Variants in MAP3K1 observed in about 807,000 individuals in gnomAD.
MAP3K1 encodes the protein MAP/ERK kinase kinase 1.
In MAP3K1, 36 loss-of-function variants were observed where a neutral mutation model predicts 144.2. The observed-to-expected ratio is 0.25, with a 90% CI of 0.19 to 0.33. MAP3K1 has a LOEUF of 0.33. MAP3K1 is among the 10% of genes least tolerant of loss of function. The pLI is 1.00. For missense variants in MAP3K1, 1,650 were observed against 1,881.9 expected (o/e 0.88, Z 2.28); for synonymous variants, 718 against 688.7 (o/e 1.04, Z -0.67).
chr5:56,851,652 T>C (rs1747177400), intron 1 of MAP3K1, among the ~76,000 whole-genome samples: 1 of 152,216 alleles, frequency 6.6e-6, no homozygotes, highest in Non-Finnish European at 1.5e-5. Context: ...GTAACACTAT[T>C]TGTGTGTTTT....
chr5:56,824,872 G>A (rs1197291424), intron 1 of MAP3K1, among the ~76,000 whole-genome samples: 1 of 151,792 alleles, frequency 6.6e-6, no homozygotes, highest in Non-Finnish European at 1.5e-5. Flanking sequence ...ATACCTTGCA[G>A]TTTCTTTAAA....
intron 6 of MAP3K1, among the ~76,000 whole-genome samples, chr5:56,869,926 A>C (rs1747800302): frequency 6.6e-6 from 1 of 152,196 alleles, no homozygotes; most frequent in Non-Finnish European, 1.5e-5. Flanking sequence ...GGGCAGGTAC[A>C]TCAGGAGGGA....
intron 1 of MAP3K1, among the ~76,000 whole-genome samples, chr5:56,818,913 A>T (rs537160299): frequency 1.3e-5 from 2 of 152,312 alleles, no homozygotes; most frequent in South Asian, 4.1e-4. Context: ...TAAAGCTATT[A>T]GGCTAAAAAT....
chr5:56,865,858 T>G lies in MAP3K1; in HGVS notation c.1182T>G (p.Ser394Arg). Reference sequence around the variant, plus strand: ...AGAGTTTGTTCCAGAAATATCACAGTAGGCGTAGCTCAAGGATCAAAGCTC... The same window carrying G: ...AGAGTTTGTTCCAGAAATATCACAGGAGGCGTAGCTCAAGGATCAAAGCTC... ...EVESLFQKYH[S>R]RRSSRIKAPS... Residue 394 changes from serine to arginine, a missense_variant, in exon 6 of 20, where the codon AGT (serine) becomes AGG (arginine). Coordinates refer to ENST00000399503, the MANE Select transcript of MAP3K1 (RefSeq NM_005921.2). The G allele has an allele frequency of 6.2e-7, 1 of 1,614,160 alleles. No individual in the cohort carries two copies. Among genetic ancestry groups the G allele is most frequent in the Non-Finnish European group, 8.5e-7 (1 of 1,179,972 alleles).
chr5:56,882,067 T>A lies in MAP3K1; in HGVS notation c.2867T>A (p.Val956Asp), dbSNP rs1748231169. The change falls in exon 14 of 20, where the codon GTT (valine) becomes GAT (aspartate). Residue 956 changes from valine to aspartate, a missense_variant. Physicochemically the swap from Val to Asp is radical, Grantham distance 152. Transcript: ENST00000399503. Reference protein sequence around the residue: ...TTTTEQPKPMVQTKGRPHSQC... With the variant: ...TTTTEQPKPMDQTKGRPHSQC... Reference sequence around the variant, plus strand: ...ACAACAGAGCAACCAAAGCCAATGGTTCAAACAAAAGGCAGACCCCACAGT... The same window carrying A: ...ACAACAGAGCAACCAAAGCCAATGGATCAAACAAAAGGCAGACCCCACAGT... 1 of 1,613,882 alleles carries A rather than the reference T, an allele frequency of 6.2e-7. No individual in the cohort carries two copies. The highest frequency in any genetic ancestry group is 8.5e-7 in the Non-Finnish European group (1 of 1,179,992).
At position 56,872,705 on chromosome 5, in the gene MAP3K1, A is replaced by G; in HGVS notation, c.1488A>G (p.Arg496=). The part of the protein sequence containing the change: ...LICPLCRSKW[R]SHDFYSHELS... Reference sequence around the variant, plus strand: ...GTCCCCTTTGTAGATCTAAGTGGAGATCTCATGATTTCTACAGGTAATAAT... The same window carrying G: ...GTCCCCTTTGTAGATCTAAGTGGAGGTCTCATGATTTCTACAGGTAATAAT... The change falls in exon 8 of 20, where the codon AGA becomes AGG. Residue 496 remains arginine, a synonymous_variant. Coordinates refer to ENST00000399503, the MANE Select transcript of MAP3K1 (RefSeq NM_005921.2). 2.5e-6 allele frequency: 4 copies of G among 1,606,166 alleles called. No homozygotes were observed. The highest frequency in any genetic ancestry group is 3.4e-6 in the Non-Finnish European group (4 of 1,173,080).
At position 56,878,738 on chromosome 5, in the gene MAP3K1, T is replaced by C. The variant is rs76317601; in HGVS notation, c.1966-242T>C. 2.6e-3 allele frequency among the ~76,000 whole-genome samples: 392 copies of C among 152,338 alleles called. 2 individuals carry two copies. The highest frequency in any genetic ancestry group is 5.1e-3 in the Admixed American group (78 of 15,298). ...AAATAATTTTTTTTAACTTTTCATC[T>C]TGAAATGAATTCAGACTTTTAAAAA... On this transcript the variant is annotated intron_variant, in intron 10 of 19. Transcript: ENST00000399503.
intron 3 of MAP3K1, among the ~76,000 whole-genome samples, chr5:56,863,796 C>T (rs1309623277): frequency 2.6e-5 from 4 of 152,180 alleles, no homozygotes; most frequent in Non-Finnish European, 4.4e-5. Flanking sequence ...ACATTTATTA[C>T]CCTTAACTAT....
rs115574356 is a variant in MAP3K1 at position 56,850,301 on chromosome 5, T to A, written c.483-6299T>A. On this transcript the variant is annotated intron_variant, in intron 1 of 19. Coordinates refer to ENST00000399503, the MANE Select transcript of MAP3K1 (RefSeq NM_005921.2). ...TCTGAATTGTGCCTATCCCAAATAA[T>A]GTATTTTCTAGGGTTCCTTGAAGTT... 7.2e-3 allele frequency among the ~76,000 whole-genome samples: 1,097 copies of A among 152,274 alleles called. 11 individuals are homozygous for A. The highest frequency in any genetic ancestry group is 0.025 in the African/African-American group (1,039 of 41,552).
intron 1 of MAP3K1, among the ~76,000 whole-genome samples, chr5:56,834,927 CAAGT>C (rs1275134522): frequency 6.6e-6 from 1 of 151,982 alleles, no homozygotes; most frequent in African/African-American, 2.4e-5. Context: ...TAAGTCTTAA[CAAGT>C]AATAAGATAT....
chr5:56,858,115 G>T (rs755260601), intron 2 of MAP3K1, among the ~76,000 whole-genome samples: 14 of 152,170 alleles, frequency 9.2e-5, no homozygotes, highest in Admixed American at 3.3e-4. Context: ...GAAACATCTT[G>T]TAGAATGTTG....
At chr5:56,877,698 T>C (rs371776383) in intron 10 of MAP3K1, among the ~76,000 whole-genome samples, 12 of 152,340 alleles carry the variant, frequency 7.9e-5, no homozygotes, top group African/African-American at 2.9e-4. Context: ...ATCTCTTCAG[T>C]TGCCCAACAG....
Position 56,882,041 on chromosome 5 carries a change from A to G in MAP3K1, c.2841A>G (p.Thr947=), listed in dbSNP as rs1748229464. ...GPSSSTTTTT[T]TTEQPKPMVQ... ...CTAGTTCAACAACAACAACAACAAC[A>G]ACAACAGAGCAACCAAAGCCAATGG... is the stretch of plus-strand genomic sequence containing the variant. Residue 947 remains threonine, a synonymous_variant, in exon 14 of 20, where the codon ACA becomes ACG. Coordinates refer to ENST00000399503, the MANE Select transcript of MAP3K1 (RefSeq NM_005921.2). 1 of 1,614,028 alleles carries G rather than the reference A, an allele frequency of 6.2e-7. No individual in the cohort carries two copies. Among genetic ancestry groups the G allele is most frequent in the African/African-American group, 1.3e-5 (1 of 74,990 alleles).
chr5:56,857,485 TTTG>T (rs1312778648), intron 2 of MAP3K1, among the ~76,000 whole-genome samples: 1 of 152,036 alleles, frequency 6.6e-6, no homozygotes, highest in African/African-American at 2.4e-5. Flanking sequence ...AAGTTTTTAT[TTTG>T]TTCTTTTAAA....
intron 10 of MAP3K1, among the ~76,000 whole-genome samples, chr5:56,876,350 C>A (rs1748028663): frequency 6.6e-6 from 1 of 150,812 alleles, no homozygotes; most frequent in African/African-American, 2.4e-5. Context: ...GCCCCCAATT[C>A]AGAATCACTA....
At chr5:56,838,033 T>C (rs1746706630) in intron 1 of MAP3K1, among the ~76,000 whole-genome samples, 1 of 152,200 alleles carries the variant, frequency 6.6e-6, no homozygotes, top group African/African-American at 2.4e-5. Flanking sequence ...TATTTTTATT[T>C]TTTGCTTCTT....
At chr5:56,892,157 A>C (rs552879714) in intron 19 of MAP3K1, among the ~76,000 whole-genome samples, 47 of 152,130 alleles carry the variant, frequency 3.1e-4, no homozygotes, top group Non-Finnish European at 4.6e-4. Context: ...GATTCTTCCT[A>C]TCCATGAGCA....
At chr5:56,846,580 A>G (rs962780894) in intron 1 of MAP3K1, among the ~76,000 whole-genome samples, 1 of 152,136 alleles carries the variant, frequency 6.6e-6, no homozygotes, top group Non-Finnish European at 1.5e-5. Context: ...TCTCTTTTAG[A>G]TTTATTTAAA....
chr5:56,881,452 A>T, intron 13 of MAP3K1, 118 bp from the exon 14 acceptor site: 1 of 1,004,200 alleles, frequency 1.0e-6, no homozygotes, highest in South Asian at 1.4e-5. Context: ...ATTCATAGAT[A>T]CTTTATGCTG....
Sources: allele counts gnomAD v4.1 joint callset (sites outside exome capture counted in the v4.1 genomes callset), GRCh38; gene constraint gnomAD v4.1.1; transcripts MANE v1.5; gene names NCBI Gene and HGNC (gene_info 2026-07-23, HGNC 2026-07-21).